The following RBMS1 variants were observed in gnomAD, a reference collection of about 807,000 sequenced individuals.
RBMS1 encodes RNA-binding motif, single-stranded-interacting protein 1.
In RBMS1, 17 loss-of-function variants were observed where a neutral mutation model predicts 62.3. The ratio of observed to expected loss-of-function variants is 0.27; its 90% CI spans 0.19 to 0.41. The LOEUF (loss-of-function observed/expected upper bound fraction) is 0.41. RBMS1 is among the 10% of genes least tolerant of loss of function. RBMS1 has a pLI of 1.00. For missense variants in RBMS1, 334 were observed against 504.5 expected, an observed-to-expected ratio of 0.66 and a Z score of 3.24; for synonymous variants, 172 against 170.0, an observed-to-expected ratio of 1.01 and a Z score of -0.09.
intron 2 of RBMS1, among the ~76,000 whole-genome samples, chr2:160,362,585 TG>T (rs5835802): frequency 5.9e-5 from 9 of 152,166 alleles, no homozygotes; most frequent in Non-Finnish European, 1.3e-4. Context: ...GAATGGTTTG[TG>T]GTGCCCCAAA....
chr2:160,385,014 C>T (rs1222608683), intron 1 of RBMS1, among the ~76,000 whole-genome samples: 1 of 152,128 alleles, frequency 6.6e-6, no homozygotes, highest in Non-Finnish European at 1.5e-5. Flanking sequence ...CCTCTCTTGC[C>T]ATGTGACACA....
intron 1 of RBMS1, among the ~76,000 whole-genome samples, chr2:160,439,474 GCTC>G: frequency 6.6e-6 from 1 of 151,774 alleles, no homozygotes; most frequent in Non-Finnish European, 1.5e-5. Context: ...GGGCAGAGAC[GCTC>G]CTCACTTCCC....
chr2:160,478,044 T>C (rs115278162), intron 1 of RBMS1, among the ~76,000 whole-genome samples: 1,668 of 152,366 alleles, frequency 0.011, 14 homozygotes, highest in Non-Finnish European at 0.016. Flanking sequence ...AGCGGGCCAA[T>C]TGCTCTACCA....
chr2:160,437,437 CA>C (rs1003584473), intron 1 of RBMS1, among the ~76,000 whole-genome samples: 2 of 152,202 alleles, frequency 1.3e-5, no homozygotes, highest in Admixed American at 1.3e-4. Context: ...CACTCAATTT[CA>C]AAAATTGCCA....
chr2:160,413,819 C>A (rs1696116033), intron 1 of RBMS1, among the ~76,000 whole-genome samples: 1 of 152,146 alleles, frequency 6.6e-6, no homozygotes, highest in South Asian at 2.1e-4. Flanking sequence ...AATGACTATC[C>A]CATTTTACCA....
Position 160,287,148 on chromosome 2 carries a change from A to G in RBMS1, c.641-64T>C, listed in dbSNP as rs1054998397. The G allele has an allele frequency of 7.5e-6, 12 of 1,593,454 alleles. No homozygotes were observed. In the Admixed American group the frequency reaches 1.7e-4, roughly 22 times the overall value. The stretch of plus-strand genomic sequence containing the variant: ...TACGTGTATGTGGATGACAAAATGT[A>G]TTACAAAAATAGGAATAGTGTTCAC... On this transcript the variant is annotated intron_variant, in intron 6 of 13. Coordinates refer to ENST00000348849, the MANE Select transcript of RBMS1 (RefSeq NM_016836.4).
intron 1 of RBMS1, among the ~76,000 whole-genome samples, chr2:160,400,781 C>G (rs1695393513): frequency 6.6e-6 from 1 of 152,004 alleles, no homozygotes; most frequent in African/African-American, 2.4e-5. Flanking sequence ...AAGTATCTGT[C>G]AGAAACAAGT....
chr2:160,451,979 C>T (rs1007257754), intron 1 of RBMS1, among the ~76,000 whole-genome samples: 1 of 152,034 alleles, frequency 6.6e-6, no homozygotes, highest in African/African-American at 2.4e-5. Flanking sequence ...ATTATAAAAT[C>T]TTATATTTAG....
intron 1 of RBMS1, among the ~76,000 whole-genome samples, chr2:160,439,599 C>T (rs1178519898): frequency 1.3e-5 from 2 of 151,868 alleles, no homozygotes; most frequent in Admixed American, 6.6e-5. Flanking sequence ...GGGCTCCTCA[C>T]ATCCCAGACG....
rs562259713 is a variant in RBMS1, at chr2:160,392,871, C to T, written c.76-25480G>A. ...TGCACCACTGCACCACACTCCAGCC[C>T]GGGCAACAGAGCAAGACCCTGTCTC... On this transcript the variant is annotated intron_variant, in intron 1 of 13. Coordinates refer to ENST00000348849, the MANE Select transcript of RBMS1 (RefSeq NM_016836.4). Among the ~76,000 whole-genome samples, 6 of 151,794 alleles carry T rather than the reference C, an allele frequency of 4.0e-5. No homozygotes were observed. The East Asian group carries it at 5.8e-4, about 15-fold the overall frequency.
At chr2:160,323,030 A>AG (rs781703469) in intron 2 of RBMS1, among the ~76,000 whole-genome samples, 4 of 152,270 alleles carry the variant, frequency 2.6e-5, no homozygotes, top group Non-Finnish European at 4.4e-5. Context: ...GTGAGGGGTG[A>AG]GGGGGAGCTG....
At chr2:160,311,790 T>C (rs1689938514) in intron 4 of RBMS1, among the ~76,000 whole-genome samples, 1 of 152,186 alleles carries the variant, frequency 6.6e-6, no homozygotes, top group Non-Finnish European at 1.5e-5. Flanking sequence ...CTTGAAAATA[T>C]TTTCTGTAGC....
intron 1 of RBMS1, among the ~76,000 whole-genome samples, chr2:160,454,711 G>GA (rs1684146382): frequency 6.6e-6 from 1 of 152,190 alleles, no homozygotes; most frequent in Middle Eastern, 3.2e-3. Context: ...CTGGTCCTGT[G>GA]AAAGAGTCTG....
In RBMS1 at chr2:160,287,160, G is replaced by A. The variant is rs533703429; in HGVS notation, c.641-76C>T. ...GATGACAAAATGTATTACAAAAATA[G>A]GAATAGTGTTCACGCTATTAGAAAA... On this transcript the variant is annotated intron_variant, in intron 6 of 13. Transcript: ENST00000348849. The A allele has an allele frequency of 1.9e-6, 3 of 1,577,318 alleles. No individual in the cohort carries two copies. The African/African-American group carries it at 4.0e-5, about 21-fold the overall frequency.
At chr2:160,378,617 T>TAA (rs143464660) in intron 1 of RBMS1, among the ~76,000 whole-genome samples, 2 of 124,152 alleles carry the variant, frequency 1.6e-5, no homozygotes, top group Non-Finnish European at 3.3e-5. Flanking sequence ...ACTCTATCTA[T>TAA]AAAAAAAAAA....
chr2:160,402,917 G>A (rs1000161211), intron 1 of RBMS1, among the ~76,000 whole-genome samples: 1 of 152,062 alleles, frequency 6.6e-6, no homozygotes, highest in Non-Finnish European at 1.5e-5. Context: ...CAGAAACCTG[G>A]ATCAGATAGA....
At chr2:160,348,417 C>T (rs566673735) in intron 2 of RBMS1, among the ~76,000 whole-genome samples, 2 of 152,182 alleles carry the variant, frequency 1.3e-5, no homozygotes, top group South Asian at 4.1e-4. Context: ...CATATTACAG[C>T]CTGTCTTGTT....
chr2:160,478,790 C>T (rs147767740), intron 1 of RBMS1, among the ~76,000 whole-genome samples: 3 of 152,276 alleles, frequency 2.0e-5, no homozygotes, highest in East Asian at 3.9e-4. Context: ...AAAGGCACAA[C>T]GGGCTTGTTG....
intron 1 of RBMS1, among the ~76,000 whole-genome samples, chr2:160,384,168 G>A (rs1232912333): frequency 6.6e-6 from 1 of 152,206 alleles, no homozygotes; most frequent in Non-Finnish European, 1.5e-5. Flanking sequence ...CCGCACTCCA[G>A]CCTGGGCGAG....
Sources: allele counts gnomAD v4.1 joint callset (sites outside exome capture counted in the v4.1 genomes callset), GRCh38; gene constraint gnomAD v4.1.1; transcripts MANE v1.5; gene names NCBI Gene and HGNC (gene_info 2026-07-23, HGNC 2026-07-21).